CRPPA: variants seen among roughly 807,000 people sequenced by gnomAD.
The protein encoded by CRPPA is D-ribitol-5-phosphate cytidylyltransferase.
Under a neutral mutation model 52.0 loss-of-function variants are expected in CRPPA, and 43 were observed. That is an observed-to-expected ratio of 0.83 (90% CI 0.65 to 1.07). The LOEUF (loss-of-function observed/expected upper bound fraction) is 1.07. Ranked by LOEUF, CRPPA falls within the 50% of genes least tolerant of loss-of-function variation. CRPPA has a pLI of 0.00. For synonymous variants in CRPPA, 250 were observed against 203.5 expected, an observed-to-expected ratio of 1.23 and a Z score of -1.94; for missense variants, 629 against 551.7, an observed-to-expected ratio of 1.14 and a Z score of -1.40.
intron 1 of CRPPA, among the ~76,000 whole-genome samples, chr7:16,415,837 G>A (rs55907655): frequency 0.05 from 7,559 of 152,228 alleles, 256 homozygotes; most frequent in Non-Finnish European, 0.076. Flanking sequence ...GTAAGTGGCA[G>A]TCTTTAACTA....
At chr7:16,354,286 T>A (rs537033119) in intron 3 of CRPPA, among the ~76,000 whole-genome samples, 1 of 152,178 alleles carries the variant, frequency 6.6e-6, no homozygotes, top group Non-Finnish European at 1.5e-5. Flanking sequence ...CAACATTCAA[T>A]ATGTAGCTCA....
At chr7:16,303,490 A>AAAAAAAAAAAC (rs1562619511) in intron 4 of CRPPA, among the ~76,000 whole-genome samples, 8 of 147,060 alleles carry the variant, frequency 5.4e-5, no homozygotes, top group Non-Finnish European at 1.2e-4. Context: ...AAAAAAAAAA[A>AAAAAAAAAAAC]AAAAAAAAAA....
intron 9 of CRPPA, among the ~76,000 whole-genome samples, chr7:16,188,318 A>G (rs1254683889): frequency 6.6e-6 from 1 of 152,122 alleles, no homozygotes; most frequent in Non-Finnish European, 1.5e-5. Flanking sequence ...GAACAAATGT[A>G]TGGTGTGAGC....
intron 2 of CRPPA, among the ~76,000 whole-genome samples, chr7:16,399,954 A>G (rs946098880): frequency 2.0e-5 from 3 of 152,106 alleles, no homozygotes; most frequent in Non-Finnish European, 2.9e-5. Context: ...CACGTGACTG[A>G]CATGGCTTAC....
At chr7:16,277,749 T>C (rs1450685988) in intron 6 of CRPPA, among the ~76,000 whole-genome samples, 1 of 152,148 alleles carries the variant, frequency 6.6e-6, no homozygotes, top group Non-Finnish European at 1.5e-5. Context: ...TGTCATCATG[T>C]CTCTTATTTC....
chr7:16,364,955 A>G (rs66593395), intron 3 of CRPPA, among the ~76,000 whole-genome samples: 34,675 of 152,142 alleles, frequency 0.23, 4,342 homozygotes, highest in Non-Finnish European at 0.3. Context: ...TTAACATAAG[A>G]TTTCAAATTT....
intron 8 of CRPPA, among the ~76,000 whole-genome samples, chr7:16,241,165 C>G (rs1213161861): frequency 2.0e-5 from 3 of 152,062 alleles, no homozygotes; most frequent in Non-Finnish European, 1.5e-5. Flanking sequence ...GTGAAAATAT[C>G]AAGTGTAAAT....
intron 2 of CRPPA, among the ~76,000 whole-genome samples, chr7:16,397,189 C>T (rs1028463346): frequency 6.6e-6 from 1 of 152,240 alleles, no homozygotes. Context: ...ATTATCAAAA[C>T]GTGATGGACG....
intron 4 of CRPPA, among the ~76,000 whole-genome samples, chr7:16,303,112 T>C (rs978416819): frequency 6.6e-6 from 1 of 152,312 alleles, no homozygotes; most frequent in East Asian, 1.9e-4. Flanking sequence ...TCACTAGTTT[T>C]GGTTGGCATG....
intron 5 of CRPPA, among the ~76,000 whole-genome samples, chr7:16,297,901 A>C (rs544147087): frequency 1.3e-4 from 20 of 152,204 alleles, no homozygotes; most frequent in Non-Finnish European, 2.4e-4. Context: ...ATCCCTCAAA[A>C]TAAATCTATG....
At chr7:16,252,463 A>T (rs1010528998) in intron 8 of CRPPA, among the ~76,000 whole-genome samples, 1 of 152,118 alleles carries the variant, frequency 6.6e-6, no homozygotes, top group Non-Finnish European at 1.5e-5. Context: ...ATGGGCAAAA[A>T]CTGGAAGCAT....
intron 9 of CRPPA, among the ~76,000 whole-genome samples, chr7:16,203,808 C>A (rs914284320): frequency 4.6e-5 from 7 of 152,140 alleles, no homozygotes; most frequent in Non-Finnish European, 8.8e-5. Flanking sequence ...GGCTTAAAAA[C>A]CACTCTGCCT....
At chr7:16,092,385 A>G (rs1256015605) in intron 9 of CRPPA, among the ~76,000 whole-genome samples, 1 of 152,184 alleles carries the variant, frequency 6.6e-6, no homozygotes, top group African/African-American at 2.4e-5. Context: ...CAGAGCTAAT[A>G]TCTTTCAGGT....
chr7:16,249,502 C>T (rs1307683270), intron 8 of CRPPA, among the ~76,000 whole-genome samples: 1 of 152,194 alleles, frequency 6.6e-6, no homozygotes, highest in African/African-American at 2.4e-5. Flanking sequence ...CTGGTGGGTG[C>T]CCCTCTGGGA....
chr7:16,324,023 G>A (rs1253267536), intron 3 of CRPPA, among the ~76,000 whole-genome samples: 1 of 152,244 alleles, frequency 6.6e-6, no homozygotes, highest in Non-Finnish European at 1.5e-5. Flanking sequence ...GGAGGAAGCA[G>A]AGAAGATGTC....
intron 8 of CRPPA, among the ~76,000 whole-genome samples, chr7:16,252,062 G>C (rs1441330382): frequency 1.3e-5 from 2 of 150,778 alleles, no homozygotes; most frequent in Non-Finnish European, 3.0e-5. Context: ...GACTGCATCA[G>C]CATCATCCTG....
At chr7:16,135,587 T>C (rs1359635759) in intron 9 of CRPPA, among the ~76,000 whole-genome samples, 1 of 152,074 alleles carries the variant, frequency 6.6e-6, no homozygotes, top group Non-Finnish European at 1.5e-5. Flanking sequence ...GTTATTCTTT[T>C]CCCTTAAAAA....
chr7:16,320,730 C>T (rs1301390287), intron 3 of CRPPA, among the ~76,000 whole-genome samples: 1 of 152,146 alleles, frequency 6.6e-6, no homozygotes, highest in Admixed American at 6.6e-5. Flanking sequence ...TGAACACCTG[C>T]ATCCGATTTA....
At chr7:16,273,324 C>T (rs1784130472) in intron 6 of CRPPA, among the ~76,000 whole-genome samples, 1 of 151,936 alleles carries the variant, frequency 6.6e-6, no homozygotes, top group African/African-American at 2.4e-5. Context: ...ATCTTGTACC[C>T]ATAAAAAACC....
Sources: gnomAD v4.1 joint callset for allele counts (sites outside exome capture counted in the v4.1 genomes callset) on GRCh38, gnomAD v4.1.1 for gene constraint, MANE v1.5 for transcripts, NCBI Gene and HGNC (gene_info 2026-07-23, HGNC 2026-07-21) for gene names.